WWOX: variants seen among roughly 807,000 people sequenced by gnomAD.
The protein encoded by WWOX is WW domain-containing oxidoreductase.
A neutral mutation model predicts 46.2 loss-of-function variants in WWOX; 69 were observed. That is an observed-to-expected ratio of 1.49 (90% CI 1.23 to 1.82). The LOEUF is 1.82. Among genes scored for constraint, WWOX ranks in the 40% most tolerant of loss-of-function variants. The pLI is 0.00. For synonymous variants in WWOX, 359 were observed against 202.6 expected (o/e 1.77, Z -6.56); for missense variants, 919 against 542.6 (o/e 1.69, Z -6.89).
In WWOX at chr16:78,945,362, G is replaced by A. The variant is rs569681435; in HGVS notation, c.1057-266246G>A. ...TAATCTCAAACTTTACAATAAGAAG[G>A]CTACTTGTCTTTATAATTGTGAAAT... On this transcript the variant is annotated intron_variant, in intron 8 of 8. Transcript: ENST00000566780. 2.0e-5 allele frequency among the ~76,000 whole-genome samples: 3 copies of A among 152,184 alleles called. No individual in the cohort carries two copies. In the East Asian group the frequency reaches 5.8e-4, roughly 29 times the overall value.
chr16:78,722,303 AGC>A (rs2048712153), intron 8 of WWOX, among the ~76,000 whole-genome samples: 4 of 152,100 alleles, frequency 2.6e-5, no homozygotes, highest in Non-Finnish European at 5.9e-5. Context: ...AGTGACTTTG[AGC>A]ATCTTTACTC....
intron 8 of WWOX, chr16:78,825,774 A>G (rs2051636230): frequency 3.4e-6 from 2 of 594,150 alleles, no homozygotes; most frequent in South Asian, 3.7e-5. Context: ...GTTAACTAGT[A>G]CATTGATGCT....
intron 8 of WWOX, among the ~76,000 whole-genome samples, chr16:78,602,560 A>G (rs1039403044): frequency 3.3e-5 from 5 of 152,136 alleles, no homozygotes; most frequent in Admixed American, 1.3e-4. Context: ...TTTGGCTGAC[A>G]ACGAAAGCTG....
At chr16:78,319,360 C>T (rs930212393) in intron 5 of WWOX, among the ~76,000 whole-genome samples, 2 of 152,172 alleles carry the variant, frequency 1.3e-5, no homozygotes, top group Non-Finnish European at 2.9e-5. Context: ...TCATGGCTCA[C>T]TGCGATCCTC....
chr16:78,641,626 GC>G (rs1333846359), intron 8 of WWOX, among the ~76,000 whole-genome samples: 1 of 152,178 alleles, frequency 6.6e-6, no homozygotes, highest in Non-Finnish European at 1.5e-5. Flanking sequence ...TCCTGCAGAT[GC>G]CCGGCTCGTG....
At chr16:78,821,784 T>C (rs144073588) in intron 8 of WWOX, among the ~76,000 whole-genome samples, 44 of 152,298 alleles carry the variant, frequency 2.9e-4, no homozygotes, top group African/African-American at 1.1e-3. Context: ...TAGCATAGTG[T>C]CAGACACAAA....
intron 5 of WWOX, among the ~76,000 whole-genome samples, chr16:78,223,882 G>T (rs1233816860): frequency 2.6e-5 from 4 of 152,220 alleles, no homozygotes; most frequent in African/African-American, 4.8e-5. Flanking sequence ...CTAAGGTGGG[G>T]AAGTTGTCAT....
At chr16:78,621,852 A>T (rs921110412) in intron 8 of WWOX, among the ~76,000 whole-genome samples, 1 of 151,774 alleles carries the variant, frequency 6.6e-6, no homozygotes, top group Non-Finnish European at 1.5e-5. Context: ...TGATCTGCCT[A>T]CCTTAGCCTC....
intron 8 of WWOX, among the ~76,000 whole-genome samples, chr16:79,169,363 T>C (rs1036106341): frequency 1.3e-5 from 2 of 152,312 alleles, no homozygotes; most frequent in Middle Eastern, 6.8e-3. Flanking sequence ...CCACAACAAC[T>C]GCGTGGCTGC....
At chr16:78,839,175 A>G (rs887099378) in intron 8 of WWOX, among the ~76,000 whole-genome samples, 2 of 152,146 alleles carry the variant, frequency 1.3e-5, no homozygotes, top group African/African-American at 4.8e-5. Flanking sequence ...ATTTTGGGGG[A>G]AAAATTCAAC....
chr16:78,917,550 C>G (rs906966925), intron 8 of WWOX, among the ~76,000 whole-genome samples: 3 of 152,004 alleles, frequency 2.0e-5, no homozygotes, highest in Non-Finnish European at 2.9e-5. Flanking sequence ...GAAATTATTC[C>G]TAACCCCCAA....
intron 4 of WWOX, among the ~76,000 whole-genome samples, chr16:78,115,746 G>A (rs1200708620): frequency 6.6e-6 from 1 of 152,174 alleles, no homozygotes; most frequent in Non-Finnish European, 1.5e-5. Flanking sequence ...AAGGAGACAG[G>A]AGCAAGGCGG....
chr16:78,707,308 C>G (rs1201226603), intron 8 of WWOX, among the ~76,000 whole-genome samples: 2 of 152,176 alleles, frequency 1.3e-5, no homozygotes, highest in Non-Finnish European at 1.5e-5. Context: ...CTCTACATTT[C>G]TCAACAATTG....
intron 8 of WWOX, among the ~76,000 whole-genome samples, chr16:78,499,393 C>G (rs1458954131): frequency 6.6e-6 from 1 of 152,190 alleles, no homozygotes; most frequent in African/African-American, 2.4e-5. Flanking sequence ...TTGTGATAGT[C>G]TCATAGTCTT....
intron 8 of WWOX, among the ~76,000 whole-genome samples, chr16:79,150,840 A>G (rs1000775530): frequency 6.6e-6 from 1 of 152,074 alleles, no homozygotes; most frequent in African/African-American, 2.4e-5. Context: ...TGGCAATGAA[A>G]TCATTGCGTA....
chr16:79,139,233 G>A (rs1412553898), intron 8 of WWOX, among the ~76,000 whole-genome samples: 1 of 152,234 alleles, frequency 6.6e-6, no homozygotes, highest in Non-Finnish European at 1.5e-5. Flanking sequence ...TTTACACAAT[G>A]CAGAGAGAAG....
At chr16:78,178,882 A>G (rs1325939248) in intron 5 of WWOX, among the ~76,000 whole-genome samples, 3 of 151,818 alleles carry the variant, frequency 2.0e-5, no homozygotes, top group Non-Finnish European at 4.4e-5. Flanking sequence ...AAAAAAAGTA[A>G]TCATTTTAGA....
chr16:78,901,677 C>T (rs994745131), intron 8 of WWOX, among the ~76,000 whole-genome samples: 1 of 152,156 alleles, frequency 6.6e-6, no homozygotes, highest in East Asian at 1.9e-4. Context: ...TTTGTAGTAA[C>T]ACGGTTTTTT....
chr16:78,512,317 G>A (rs942749815), intron 8 of WWOX, among the ~76,000 whole-genome samples: 1 of 152,152 alleles, frequency 6.6e-6, no homozygotes, highest in Non-Finnish European at 1.5e-5. Context: ...GATTGTTCAT[G>A]CAGAAATGCA....
Sources: allele counts gnomAD v4.1 joint callset (sites outside exome capture counted in the v4.1 genomes callset), GRCh38; gene constraint gnomAD v4.1.1; transcripts MANE v1.5; gene names NCBI Gene and HGNC (gene_info 2026-07-23, HGNC 2026-07-21).